POM121: variants seen among roughly 807,000 people sequenced by gnomAD.
POM121 encodes the protein nuclear envelope pore membrane protein POM 121.
A neutral mutation model predicts 81.3 loss-of-function variants in POM121; 32 were observed. The observed-to-expected ratio is 0.39, with a 90% CI of 0.30 to 0.53. The LOEUF is 0.53. Ranked by LOEUF, POM121 falls within the 20% of genes least tolerant of loss-of-function variation. The pLI is 0.66. For missense variants in POM121, 1,138 were observed against 1,614.6 expected (o/e 0.70, Z 5.06); for synonymous variants, 514 against 694.2 (o/e 0.74, Z 4.08).
At chr7:72,948,676 C>T, downstream of POM121, 4 of 1,603,410 alleles carry the variant, frequency 2.5e-6, no homozygotes, top group Non-Finnish European at 3.4e-6. Flanking sequence ...ACGTCGGCAT[C>T]TCGACCCGTT....
At chr7:72,935,558 G>T (rs1380234514) in intron 5 of POM121, among the ~76,000 whole-genome samples, 1 of 152,008 alleles carries the variant, frequency 6.6e-6, no homozygotes, top group Admixed American at 6.6e-5. Context: ...TCGGCTCACT[G>T]CAGCCTCCAC....
downstream of POM121, chr7:72,948,523 T>C (rs782187054): frequency 4.1e-5 from 66 of 1,613,288 alleles, no homozygotes; most frequent in Middle Eastern, 4.9e-4. Flanking sequence ...GCTGCAGCTT[T>C]TTGCTCTCTT....
chr7:72,885,912 A>T (rs879991175), intron 1 of POM121, among the ~76,000 whole-genome samples: 1 of 150,812 alleles, frequency 6.6e-6, no homozygotes, highest in African/African-American at 2.5e-5. Flanking sequence ...TCTACTTTAT[A>T]TCTTTTGTTG....
intron 5 of POM121, among the ~76,000 whole-genome samples, chr7:72,933,525 G>A (rs1268813210): frequency 1.3e-5 from 2 of 152,264 alleles, no homozygotes; most frequent in East Asian, 3.9e-4. Flanking sequence ...CTATAGTAGA[G>A]AAACCTATTC....
In POM121 at chr7:72,938,669, C is replaced by T. The variant is rs1554500029; in HGVS notation, c.1355C>T (p.Ala452Val). The change falls in exon 6 of 13, where the codon GCA becomes GTA. Residue 452 changes from alanine to valine, a missense_variant. By Grantham distance (64) the Ala-to-Val change is moderately conservative. This residue lies in a region of POM121 where 646 missense variants were observed against 633.5 expected (regional missense o/e 1.02). Transcript: ENST00000434423. ...SSRSQTPERPAKKIREEELCH... is the reference protein window; with the variant it reads ...SSRSQTPERPVKKIREEELCH... ...CGCTCCCAGACACCGGAGAGGCCAG[C>T]AAAGAAAATAAGGTACTTGGCATTC... The T allele has an allele frequency of 1.2e-6, 2 of 1,613,684 alleles. No individual in the cohort carries two copies. The highest frequency in any genetic ancestry group is 1.7e-5 in the Admixed American group (1 of 60,008).
chr7:72,890,056 T>G (rs1791148606), intron 1 of POM121, among the ~76,000 whole-genome samples: 2 of 152,276 alleles, frequency 1.3e-5, no homozygotes, highest in East Asian at 1.9e-4. Context: ...TTCATTCATT[T>G]AACGAATATT....
chr7:72,908,775 A>G (rs1403538192), intron 3 of POM121, among the ~76,000 whole-genome samples: 1 of 152,196 alleles, frequency 6.6e-6, no homozygotes, highest in African/African-American at 2.4e-5. Context: ...AAAGAAGAGA[A>G]ATATGGCTCT....
At chr7:72,884,650 G>A (rs1790529386) in intron 1 of POM121, among the ~76,000 whole-genome samples, 1 of 149,588 alleles carries the variant, frequency 6.7e-6, no homozygotes, top group African/African-American at 2.4e-5. Flanking sequence ...AAAATTGCAA[G>A]GATTTTACAA....
chr7:72,911,181 A>G (rs1183138197), intron 3 of POM121, among the ~76,000 whole-genome samples: 1 of 152,062 alleles, frequency 6.6e-6, no homozygotes, highest in Non-Finnish European at 1.5e-5. Context: ...ATGGAGTTTC[A>G]CCATTTTGGC....
intron 1 of POM121, among the ~76,000 whole-genome samples, chr7:72,886,578 T>A (rs1415031700): frequency 6.6e-6 from 1 of 152,208 alleles, no homozygotes; most frequent in Non-Finnish European, 1.5e-5. Context: ...TTGCTGTCAT[T>A]TTACTTCTGC....
chr7:72,883,052 T>G (rs1554489534), intron 1 of POM121, among the ~76,000 whole-genome samples: 1 of 152,174 alleles, frequency 6.6e-6, no homozygotes, highest in Non-Finnish European at 1.5e-5. Flanking sequence ...CTTTTTTTCT[T>G]TTTTTGAGAT....
At chr7:72,909,485 T>C (rs566362653) in intron 3 of POM121, among the ~76,000 whole-genome samples, 6 of 152,222 alleles carry the variant, frequency 3.9e-5, no homozygotes, top group Non-Finnish European at 8.8e-5. Context: ...CTGTATGTAG[T>C]TCCTGTATAA....
chr7:72,936,656 C>T (rs1426887324), intron 5 of POM121, among the ~76,000 whole-genome samples: 4 of 152,208 alleles, frequency 2.6e-5, no homozygotes, highest in Non-Finnish European at 5.9e-5. Context: ...AGGTGATCCT[C>T]CTGCCTCAGC....
In POM121 at chr7:72,925,381, G is replaced by C; in HGVS notation, c.260G>C (p.Arg87Pro). The C allele has an allele frequency of 3.9e-6, 6 of 1,523,032 alleles. No homozygotes were observed. Among genetic ancestry groups the C allele is most frequent in the African/African-American group, 1.4e-5 (1 of 72,890 alleles). The allele number at this position is 1,523,032 out of a possible 1,614,324, so 94.3% of individuals were successfully genotyped here. A position where few individuals can be genotyped will look rare whatever the true frequency, so the allele number is the denominator to read the frequency against. Residue 87 changes from arginine to proline, a missense_variant, in exon 1 of 13, where the codon CGT becomes CCT. This residue lies in a region of POM121 where 646 missense variants were observed against 633.5 expected (regional missense o/e 1.02). Transcript: ENST00000434423. ...TTGTCCTCCTTCGTTCGGAAGGCGC[G>C]TCATCGGCGCCCCTTGTCCTCCTTC... ...RPLSSFVRKA[R>P]HRRPLSSFVR... is the part of the protein sequence containing the mutation.
chr7:72,897,001 G>A (rs529255746), intron 3 of POM121, among the ~76,000 whole-genome samples: 3 of 152,274 alleles, frequency 2.0e-5, no homozygotes, highest in East Asian at 3.9e-4. Context: ...TCAGGAGTTC[G>A]AGACCAGCCT....
downstream of POM121, chr7:72,949,052 C>G (rs782228334): frequency 1.2e-6 from 2 of 1,613,346 alleles, no homozygotes; most frequent in Admixed American, 1.7e-5. Flanking sequence ...TGCAGACGCA[C>G]CGGGCTAGGT....
chr7:72,907,517 C>CTT (rs1219876717), intron 3 of POM121, among the ~76,000 whole-genome samples: 1 of 144,848 alleles, frequency 6.9e-6, no homozygotes, highest in Admixed American at 7.2e-5. Flanking sequence ...TTCTTCATTG[C>CTT]TTTTTTTTTT....
intron 3 of POM121, 84 bp downstream of exon 3, chr7:72,927,047 A>G (rs1795525562): frequency 6.2e-7 from 1 of 1,602,674 alleles, no homozygotes; most frequent in Non-Finnish European, 8.5e-7. Context: ...ATAGATACAG[A>G]GGCCATCTCC....
rs782165227 is a variant in POM121, at chr7:72,938,593, T to C, written c.1279T>C (p.Trp427Arg). The C allele has an allele frequency of 7.4e-6, 12 of 1,613,874 alleles. No homozygotes were observed. The highest frequency in any genetic ancestry group is 1.7e-4 in the Middle Eastern group (1 of 6,052). The change falls in exon 6 of 13, where the codon TGG becomes CGG. Residue 427 changes from tryptophan (W) to arginine (R), a missense_variant. This residue lies in a region of POM121 where 646 missense variants were observed against 633.5 expected (regional missense o/e 1.02). Coordinates refer to ENST00000434423, the MANE Select transcript of POM121 (RefSeq NM_001387691.1). ...TCATGTCCCTCTTGATTTTTAGCTC[T>C]GGAAGAGAAATGGCCCCAGTTCATC... Reference protein sequence around the residue: ...YSSTRGISQLWKRNGPSSSPF... With the variant: ...YSSTRGISQLRKRNGPSSSPF...
Sources: gnomAD v4.1 joint callset for allele counts (sites outside exome capture counted in the v4.1 genomes callset) on GRCh38, gnomAD v4.1.1 for gene constraint, gnomAD v4.1.1 regional missense constraint, MANE v1.5 for transcripts, NCBI Gene and HGNC (gene_info 2026-07-23, HGNC 2026-07-21) for gene names.